Variants in GLMN observed in about 807,000 individuals in gnomAD.
The protein encoded by GLMN is glomulin, FKBP associated protein.
Under a neutral mutation model 87.8 loss-of-function variants are expected in GLMN, and 75 were observed. The ratio of observed to expected loss-of-function variants is 0.85; its 90% CI spans 0.71 to 1.04. The LOEUF (loss-of-function observed/expected upper bound fraction) is 1.04, where lower values mean the gene tolerates loss of function less well. Ranked by LOEUF, GLMN falls within the 50% of genes least tolerant of loss-of-function variation. The pLI is 0.00. For missense variants in GLMN, 588 were observed against 658.8 expected (o/e 0.89, Z 1.18); for synonymous variants, 206 against 221.6 (o/e 0.93, Z 0.63).
the GLMN span, chr1:92,304,369 T>G: frequency 7.1e-7 from 1 of 1,407,502 alleles, no homozygotes; most frequent in South Asian, 1.3e-5. Flanking sequence ...AAGGCTTTCA[T>G]TGTGGCAATT....
rs147537497 is a variant in GLMN, at chr1:92,297,511, C to T, written c.58G>A (p.Asp20Asn). 6.8e-5 allele frequency: 109 copies of T among 1,603,982 alleles called. No individual in the cohort carries two copies. In the African/African-American group the frequency reaches 1.3e-3, roughly 19 times the overall value. The change falls in exon 3 of 19, where the codon GAC becomes AAC. Residue 20 changes from aspartate to asparagine, a missense_variant. Asp to Asn is a conservative substitution (Grantham distance 23, BLOSUM62 1). Coordinates refer to ENST00000370360, the MANE Select transcript of GLMN (RefSeq NM_053274.3). ...IKRCQILEEQ[D>N]FKEEDFGLFQ... ...AGGCCAAAATCCTCTTCTTTAAAGT[C>T]TTGCTCTTCTAGGATTTGCTGGCAA...
In GLMN at chr1:92,252,649, G is replaced by A. The variant is rs1369769131; in HGVS notation, c.1474-4660C>T. Among the ~76,000 whole-genome samples, 3 of 152,136 alleles carry A rather than the reference G, an allele frequency of 2.0e-5. No homozygotes were observed. The South Asian group carries it at 6.2e-4, about 32-fold the overall frequency. On this transcript the variant is annotated intron_variant, in intron 16 of 18. Transcript: ENST00000370360. ...GTAATATTTTTAGAAGCATGTAGGA[G>A]TGAAGAAGCTGTGAGAATAAGAATA...
At chr1:92,355,827 A>G in the GLMN span, among the ~76,000 whole-genome samples, 2 of 152,214 alleles carry the variant, frequency 1.3e-5, no homozygotes, top group Non-Finnish European at 2.9e-5. Context: ...GGTAAGTATA[A>G]TGCAAGTATT....
the GLMN span, chr1:92,304,254 C>A: frequency 7.3e-7 from 1 of 1,368,390 alleles, no homozygotes; most frequent in Non-Finnish European, 1.0e-6. Flanking sequence ...TATTTGGATT[C>A]TTTTGTAAGC....
chr1:92,344,138 C>T, the GLMN span, among the ~76,000 whole-genome samples: 4 of 152,032 alleles, frequency 2.6e-5, no homozygotes, highest in Admixed American at 1.3e-4. Context: ...AGCTGGGCAC[C>T]GTAGCTCATA....
At chr1:92,263,068 T>A (rs866525432) in intron 15 of GLMN, 142 bp from the exon 16 acceptor site, 19 of 518,814 alleles carry the variant, frequency 3.7e-5, no homozygotes, top group Non-Finnish European at 6.7e-5. Flanking sequence ...TGAGTAGTAA[T>A]AACTTATCAC....
chr1:92,252,788 G>A (rs1253376661), intron 16 of GLMN, among the ~76,000 whole-genome samples: 1 of 152,140 alleles, frequency 6.6e-6, no homozygotes, highest in Non-Finnish European at 1.5e-5. Flanking sequence ...TAAATTAAGA[G>A]TTTTAAAATA....
At position 92,271,459 on chromosome 1, in the gene GLMN, TCTTAC is replaced by T; in HGVS notation, c.923+1_923+5del. ...ATACATGAATAAACCAAACACTAACTCTTACCTTAAGACCATTGGAAGCTGATCAA... is the reference window on the plus strand; with the variant it reads ...ATACATGAATAAACCAAACACTAACTCTTAAGACCATTGGAAGCTGATCAA... On this transcript the variant is annotated splice_donor_variant and splice_donor_5th_base_variant and intron_variant, in intron 8 of 18. Coordinates refer to ENST00000370360, the MANE Select transcript of GLMN (RefSeq NM_053274.3). LOFTEE classifies it high-confidence loss of function. 1.2e-6 allele frequency: 2 copies of T among 1,605,590 alleles called. No homozygotes were observed. The highest frequency in any genetic ancestry group is 1.1e-5 in the South Asian group (1 of 90,902).
chr1:92,310,109 A>T, the GLMN span, among the ~76,000 whole-genome samples: 1 of 152,224 alleles, frequency 6.6e-6, no homozygotes, highest in East Asian at 1.9e-4. Context: ...AACAGTGAAT[A>T]ATCTATATAT....
At chr1:92,317,275 G>A in the GLMN span, among the ~76,000 whole-genome samples, 6 of 152,232 alleles carry the variant, frequency 3.9e-5, no homozygotes, top group African/African-American at 1.4e-4. Context: ...TTGGGAGGCC[G>A]AGGCGGGTGA....
At chr1:92,251,602 T>C (rs1020409884) in intron 16 of GLMN, among the ~76,000 whole-genome samples, 2 of 152,074 alleles carry the variant, frequency 1.3e-5, no homozygotes, top group Non-Finnish European at 2.9e-5. Context: ...TCCATAAATA[T>C]TAAAATTTCT....
chr1:92,266,330 C>T (rs919065157), intron 13 of GLMN, 89 bp downstream of exon 13: 9 of 761,862 alleles, frequency 1.2e-5, no homozygotes, highest in East Asian at 5.1e-5. Context: ...TAAAACATAC[C>T]GACATACTAT....
At chr1:92,276,718 G>A (rs1182019236) in intron 7 of GLMN, among the ~76,000 whole-genome samples, 1 of 152,102 alleles carries the variant, frequency 6.6e-6, no homozygotes, top group Non-Finnish European at 1.5e-5. Context: ...TAGCCTGGTG[G>A]TTATTTGTTT....
chr1:92,265,522 T>A (rs933358400), intron 13 of GLMN, among the ~76,000 whole-genome samples: 1 of 152,108 alleles, frequency 6.6e-6, no homozygotes, highest in African/African-American at 2.4e-5. Flanking sequence ...ATGCGTGTCA[T>A]CTCAACACTT....
At chr1:92,297,335 CTGG>C in intron 3 of GLMN, 66 bp downstream of exon 3, 1 of 1,582,038 alleles carries the variant, frequency 6.3e-7, no homozygotes, top group South Asian at 1.1e-5. Flanking sequence ...GGATAAATGA[CTGG>C]ATGAATAGCA....
At chr1:92,306,843 T>C in the GLMN span, among the ~76,000 whole-genome samples, 6 of 152,174 alleles carry the variant, frequency 3.9e-5, no homozygotes, top group Non-Finnish European at 5.9e-5. Flanking sequence ...AAGATAAGAA[T>C]GTATAACAAT....
rs537658508 is a variant in GLMN at position 92,246,597 on chromosome 1, G to A, written c.1718C>T (p.Ala573Val). The change falls in exon 19 of 19, where the codon GCT (alanine) becomes GTT (valine). Residue 573 changes from alanine to valine, a missense_variant. Coordinates refer to ENST00000370360, the MANE Select transcript of GLMN (RefSeq NM_053274.3). ...TATTTCAATGAGTTCTTCCACTCGA[G>A]CTAGAACACTTTCAATCAAATCAAA... ...FTFDLIESVLARVEELIEIKT... is the reference protein window; with the variant it reads ...FTFDLIESVLVRVEELIEIKT... 2 of 1,598,662 alleles carry A rather than the reference G, an allele frequency of 1.3e-6. No individual in the cohort carries two copies. The highest frequency in any genetic ancestry group is 2.2e-5 in the South Asian group (2 of 90,780).
chr1:92,271,495 A>G lies in GLMN; in HGVS notation c.893T>C (p.Ile298Thr). The change falls in exon 8 of 19, where the codon ATC becomes ACC. Residue 298 changes from isoleucine (I) to threonine (T), a missense_variant. Ile to Thr is a moderately conservative substitution (Grantham distance 89). Transcript: ENST00000370360. Reference sequence around the variant, plus strand: ...GACCATTGGAAGCTGATCAATATGGATGCCCTGTACAAATACTAGATATGC... The same window carrying G: ...GACCATTGGAAGCTGATCAATATGGGTGCCCTGTACAAATACTAGATATGC... ...SLAYLVFVQG[I>T]HIDQLPMVLS... is the part of the protein sequence containing the mutation. 1 of 1,613,244 alleles carries G rather than the reference A, an allele frequency of 6.2e-7. No homozygotes were observed. The highest frequency in any genetic ancestry group is 1.1e-5 in the South Asian group (1 of 91,058).
At chr1:92,313,113 C>T in the GLMN span, among the ~76,000 whole-genome samples, 2 of 152,180 alleles carry the variant, frequency 1.3e-5, no homozygotes, top group Admixed American at 1.3e-4. Context: ...GTAATCCACG[C>T]ACCTTGGCTT....
Sources: gnomAD v4.1 joint callset for allele counts (sites outside exome capture counted in the v4.1 genomes callset) on GRCh38, gnomAD v4.1.1 for gene constraint, MANE v1.5 for transcripts, NCBI Gene and HGNC (gene_info 2026-07-23, HGNC 2026-07-21) for gene names.